Variants in TNPO1 observed in about 807,000 individuals in gnomAD.
The protein encoded by TNPO1 is transportin 1.
TNPO1 carries 8 observed loss-of-function variants against 119.5 expected under a neutral mutation model. That is an observed-to-expected ratio of 0.07 (90% CI 0.04 to 0.12). TNPO1 has a LOEUF of 0.12. TNPO1 is among the 10% of genes least tolerant of loss of function. The pLI is 1.00. For missense variants in TNPO1, 576 were observed against 1,089.8 expected, an observed-to-expected ratio of 0.53 and a Z score of 6.64; for synonymous variants, 362 against 363.0, an observed-to-expected ratio of 1.00 and a Z score of 0.03.
intron 2 of TNPO1, among the ~76,000 whole-genome samples, chr5:72,849,084 T>A (rs1222449937): frequency 1.3e-5 from 2 of 151,740 alleles, no homozygotes; most frequent in Non-Finnish European, 2.9e-5. Flanking sequence ...GGGAAAGGGG[T>A]CTCTGTGCCT....
intron 1 of TNPO1, 155 bp downstream of exon 1, chr5:72,816,907 C>T: frequency 1.1e-6 from 1 of 924,302 alleles, no homozygotes; most frequent in South Asian, 2.0e-5. Context: ...AGCGGCGGCG[C>T]GGTTCTAACC....
rs555248313 is a variant in TNPO1 at position 72,887,285 on chromosome 5, G to T, written c.1303+63G>T. The T allele has an allele frequency of 8.3e-5, 89 of 1,072,836 alleles. No individual in the cohort carries two copies. In the African/African-American group the frequency reaches 1.5e-3, roughly 19 times the overall value. The allele number at this position is 1,072,836 out of a possible 1,614,324, so 66.5% of individuals were successfully genotyped here. A position where few individuals can be genotyped will look rare whatever the true frequency, so the allele number is the denominator to read the frequency against. Reference sequence around the variant, plus strand: ...TCTTACTACTATTAGGTACTAATAAGGCTAGGCTACTTTAAGGAATTTCTA... The same window carrying T: ...TCTTACTACTATTAGGTACTAATAATGCTAGGCTACTTTAAGGAATTTCTA... On this transcript the variant is annotated intron_variant, in intron 12 of 24. Transcript: ENST00000337273.
At chr5:72,878,473 A>G (rs1747984644) in intron 9 of TNPO1, 2 of 153,630 alleles carry the variant, frequency 1.3e-5, no homozygotes, top group East Asian at 1.9e-4. Flanking sequence ...AAAGTTTTTA[A>G]TATGTCTTCA....
chr5:72,866,203 CTCT>C (rs1221500366), intron 6 of TNPO1, among the ~76,000 whole-genome samples: 2 of 152,176 alleles, frequency 1.3e-5, no homozygotes, highest in African/African-American at 4.8e-5. Context: ...CTCTCCCTCC[CTCT>C]TCTTATATTC....
chr5:72,910,693 C>G lies in TNPO1; in HGVS notation c.*2020C>G, dbSNP rs1316229931. On this transcript the variant is annotated 3_prime_UTR_variant, in exon 25 of 25. Coordinates refer to ENST00000337273, the MANE Select transcript of TNPO1 (RefSeq NM_002270.4). The stretch of plus-strand genomic sequence containing the variant: ...TATTCTCTAAAAGTGTTGAATGATA[C>G]AGCCATTGCACTGAAGTTTGAGCTG... 6.6e-6 allele frequency: 1 copy of G among 152,350 alleles called. No individual in the cohort carries two copies. Among genetic ancestry groups the G allele is most frequent in the Non-Finnish European group, 1.5e-5 (1 of 67,994 alleles). The allele number at this position is 152,350 out of a possible 1,614,324, so 9.4% of individuals were successfully genotyped here.
chr5:72,853,838 A>G (rs1004157908), intron 3 of TNPO1, among the ~76,000 whole-genome samples: 6 of 152,208 alleles, frequency 3.9e-5, no homozygotes, highest in Non-Finnish European at 1.5e-5. Flanking sequence ...TTGATCTGTA[A>G]GAGATCTCAG....
chr5:72,823,403 A>G (rs1744066795), intron 1 of TNPO1, among the ~76,000 whole-genome samples: 1 of 152,106 alleles, frequency 6.6e-6, no homozygotes, highest in Admixed American at 6.5e-5. Context: ...CATCTATGCT[A>G]TATCAGCCAC....
chr5:72,897,669 C>T (rs1350995414), intron 20 of TNPO1, among the ~76,000 whole-genome samples: 1 of 145,648 alleles, frequency 6.9e-6, no homozygotes, highest in Non-Finnish European at 1.5e-5. Context: ...TTCTCTTTTG[C>T]ATTTATAGAG....
At chr5:72,886,323 A>G (rs1416641065) in intron 11 of TNPO1, among the ~76,000 whole-genome samples, 3 of 152,204 alleles carry the variant, frequency 2.0e-5, no homozygotes, top group Admixed American at 2.0e-4. Context: ...TCTAAAGTCC[A>G]GCTAAGTAAT....
chr5:72,863,025 TGG>T (rs1491453047), intron 5 of TNPO1, among the ~76,000 whole-genome samples: 3 of 142,848 alleles, frequency 2.1e-5, no homozygotes, highest in East Asian at 2.0e-4. Context: ...TGTGTGTGTG[TGG>T]TTTTTTTTGT....
rs999522959 is a variant in TNPO1 at position 72,901,094 on chromosome 5, T to A, written c.2514+21T>A. On this transcript the variant is annotated intron_variant, in intron 22 of 24. Coordinates refer to ENST00000337273, the MANE Select transcript of TNPO1 (RefSeq NM_002270.4). ...TCCAAGTAAGATGTTCACAAAGATT[T>A]GTTTTTAATGTCTAATTAATAAAAT... The A allele has an allele frequency of 2.0e-6, 3 of 1,484,236 alleles. No individual in the cohort carries two copies. The African/African-American group carries it at 4.2e-5, about 21-fold the overall frequency. 91.9% of individuals were successfully genotyped at this position (1,484,236 alleles called of 1,614,324 possible).
chr5:72,848,125 C>T, intron 1 of TNPO1: 3 of 1,167,366 alleles, frequency 2.6e-6, no homozygotes, highest in East Asian at 4.6e-5. Context: ...CGCGGTGACT[C>T]AGTCTGGTCG....
chr5:72,883,456 A>G (rs1377652142), intron 11 of TNPO1, among the ~76,000 whole-genome samples: 1 of 152,208 alleles, frequency 6.6e-6, no homozygotes, highest in Non-Finnish European at 1.5e-5. Context: ...CTGGGCAACT[A>G]CTAGTCAATA....
Position 72,910,119 on chromosome 5 carries a change from A to G in TNPO1, c.*1446A>G, listed in dbSNP as rs1750459764. On this transcript the variant is annotated 3_prime_UTR_variant, in exon 25 of 25. Coordinates refer to ENST00000337273, the MANE Select transcript of TNPO1 (RefSeq NM_002270.4). ...AAGCATGATCTTAAAGATATGTTTAAGTTAATGGATGTAATGCAGGGTTCC... is the reference window on the plus strand; with the variant it reads ...AAGCATGATCTTAAAGATATGTTTAGGTTAATGGATGTAATGCAGGGTTCC... The G allele has an allele frequency of 6.6e-6, 1 of 152,596 alleles. No homozygotes were observed. Among genetic ancestry groups the G allele is most frequent in the Non-Finnish European group, 1.5e-5 (1 of 68,018 alleles). The allele number at this position is 152,596 out of a possible 1,614,324, so 9.5% of individuals were successfully genotyped here.
rs115941579 is a variant in TNPO1, at chr5:72,884,264, C to T, written c.1150+1032C>T. Among the ~76,000 whole-genome samples the T allele has an allele frequency of 2.7e-3, 407 of 152,200 alleles. 1 individual carries two copies. The highest frequency in any genetic ancestry group is 9.0e-3 in the African/African-American group (373 of 41,554). ...TTATTATTATAGTCATTCTAGTGGA[C>T]GTGAAGTGGTATTTTGTGGTTTTGG... On this transcript the variant is annotated intron_variant, in intron 11 of 24. Coordinates refer to ENST00000337273, the MANE Select transcript of TNPO1 (RefSeq NM_002270.4).
intron 12 of TNPO1, 30 bp from the exon 13 acceptor site, chr5:72,888,048 A>G: frequency 6.3e-7 from 1 of 1,587,000 alleles, no homozygotes; most frequent in Non-Finnish European, 8.6e-7. Flanking sequence ...ACTAAATTTT[A>G]GCATTTTGAA....
intron 8 of TNPO1, 124 bp downstream of exon 8, chr5:72,875,861 G>T: frequency 8.4e-7 from 1 of 1,188,002 alleles, no homozygotes; most frequent in Non-Finnish European, 1.1e-6. Context: ...AAAATTATAA[G>T]TTATCTTTGT....
chr5:72,865,743 C>T lies in TNPO1; in HGVS notation c.596+14C>T. On this transcript the variant is annotated intron_variant, in intron 6 of 24. Transcript: ENST00000337273. ...TCCAAAAATAAGGTACTTATATTGCCAGTACTAATTGATTAACTGTGATAT... is the reference window on the plus strand; with the variant it reads ...TCCAAAAATAAGGTACTTATATTGCTAGTACTAATTGATTAACTGTGATAT... The T allele has an allele frequency of 6.2e-7, 1 of 1,608,548 alleles. No homozygotes were observed. Among genetic ancestry groups the T allele is most frequent in the Non-Finnish European group, 8.5e-7 (1 of 1,177,980 alleles).
chr5:72,846,438 A>G (rs906423712), intron 1 of TNPO1, among the ~76,000 whole-genome samples: 13 of 152,212 alleles, frequency 8.5e-5, no homozygotes, highest in African/African-American at 3.1e-4. Flanking sequence ...ATGATCTTAA[A>G]AAAAGAGGAA....
Sources: gnomAD v4.1 joint callset for allele counts (sites outside exome capture counted in the v4.1 genomes callset) on GRCh38, gnomAD v4.1.1 for gene constraint, MANE v1.5 for transcripts, NCBI Gene and HGNC (gene_info 2026-07-23, HGNC 2026-07-21) for gene names.